CADM2: variants seen among roughly 807,000 people sequenced by gnomAD.
CADM2 encodes immunoglobulin superfamily member 4D.
CADM2 carries 12 observed loss-of-function variants against 49.8 expected under a neutral mutation model. That is an observed-to-expected ratio of 0.24 (90% CI 0.15 to 0.39). The LOEUF (loss-of-function observed/expected upper bound fraction) is 0.39, where lower values mean the gene tolerates loss of function less well. CADM2 is among the 10% of genes least tolerant of loss of function. The pLI is 1.00. For missense variants in CADM2, 378 were observed against 492.3 expected, an observed-to-expected ratio of 0.77 and a Z score of 2.20; for synonymous variants, 214 against 175.4, an observed-to-expected ratio of 1.22 and a Z score of -1.74.
At chr3:85,112,291 T>C (rs2038486700) in intron 1 of CADM2, among the ~76,000 whole-genome samples, 1 of 151,884 alleles carries the variant, frequency 6.6e-6, no homozygotes, top group Admixed American at 6.6e-5. Context: ...CAAAACAAAT[T>C]TGGTATATTT....
intron 1 of CADM2, among the ~76,000 whole-genome samples, chr3:85,624,625 C>G (rs1248127336): frequency 6.6e-6 from 1 of 152,108 alleles, no homozygotes; most frequent in East Asian, 1.9e-4. Context: ...ATTTTTATAC[C>G]CCTGCCTTGT....
At chr3:85,381,983 C>T (rs1194017352) in intron 1 of CADM2, among the ~76,000 whole-genome samples, 1 of 151,518 alleles carries the variant, frequency 6.6e-6, no homozygotes, top group African/African-American at 2.4e-5. Flanking sequence ...ACTCACCAAG[C>T]CTTTTTTTTT....
chr3:85,986,701 T>C (rs1032592868), intron 8 of CADM2, among the ~76,000 whole-genome samples: 2 of 152,142 alleles, frequency 1.3e-5, no homozygotes, highest in African/African-American at 4.8e-5. Context: ...GTTTAGTTGA[T>C]TAAGTTTTAA....
intron 1 of CADM2, among the ~76,000 whole-genome samples, chr3:85,010,825 A>T (rs1213862313): frequency 2.8e-5 from 2 of 70,724 alleles, no homozygotes; most frequent in African/African-American, 5.7e-5. Context: ...TTTTTCTTTA[A>T]TTTTCCCAAA....
intron 8 of CADM2, among the ~76,000 whole-genome samples, chr3:86,015,488 A>G (rs1732108407): frequency 6.6e-6 from 1 of 152,196 alleles, no homozygotes; most frequent in South Asian, 2.1e-4. Context: ...GGAGGAAGGA[A>G]TACATTTTAT....
chr3:85,964,406 A>G (rs189460775), intron 8 of CADM2, among the ~76,000 whole-genome samples: 156 of 151,636 alleles, frequency 1.0e-3, no homozygotes, highest in South Asian at 8.9e-3. Flanking sequence ...TTCCTGTGAA[A>G]TCATCTACTA....
intron 8 of CADM2, chr3:86,014,046 G>T: frequency 4.5e-6 from 6 of 1,327,290 alleles, no homozygotes; most frequent in Non-Finnish European, 6.2e-6. Flanking sequence ...ACTTGACGAT[G>T]TAATTTCTGT....
chr3:85,014,803 A>T (rs374432681), intron 1 of CADM2, among the ~76,000 whole-genome samples: 3 of 152,244 alleles, frequency 2.0e-5, no homozygotes, highest in Non-Finnish European at 4.4e-5. Context: ...AGGAAATTAC[A>T]TACCATCAAT....
At chr3:85,053,987 A>G (rs1254454604) in intron 1 of CADM2, among the ~76,000 whole-genome samples, 5 of 152,008 alleles carry the variant, frequency 3.3e-5, no homozygotes, top group Non-Finnish European at 7.4e-5. Context: ...CTGTTAAAAG[A>G]GCAAAGTAAT....
intron 1 of CADM2, among the ~76,000 whole-genome samples, chr3:85,635,290 T>A (rs2064436241): frequency 6.6e-6 from 1 of 152,066 alleles, no homozygotes; most frequent in Non-Finnish European, 1.5e-5. Context: ...TAGATCTTCT[T>A]TTTCCAAATT....
At chr3:85,198,056 G>A (rs1179976235) in intron 1 of CADM2, among the ~76,000 whole-genome samples, 3 of 151,698 alleles carry the variant, frequency 2.0e-5, no homozygotes, top group Non-Finnish European at 4.4e-5. Context: ...TAATAATATG[G>A]TTTATTTAAC....
intron 1 of CADM2, among the ~76,000 whole-genome samples, chr3:85,473,770 TTG>T (rs1445376654): frequency 1.3e-5 from 2 of 152,100 alleles, no homozygotes; most frequent in Non-Finnish European, 2.9e-5. Flanking sequence ...ATGCAAATGA[TTG>T]TGTTACTATT....
chr3:85,568,473 C>CTTTCTTTCTTCCTT (rs1553743643), intron 1 of CADM2, among the ~76,000 whole-genome samples: 9 of 27,612 alleles, frequency 3.3e-4, no homozygotes, highest in African/African-American at 7.0e-4. Flanking sequence ...CTCTTTCTCT[C>CTTTCTTTCTTCCTT]TCTTTCTTTC....
chr3:85,796,018 G>GA (rs2071598558), intron 2 of CADM2, among the ~76,000 whole-genome samples: 1 of 152,124 alleles, frequency 6.6e-6, no homozygotes, highest in South Asian at 2.1e-4. Flanking sequence ...GGAATGTTTT[G>GA]AAAATTGTTT....
intron 2 of CADM2, 116 bp downstream of exon 2, chr3:85,726,664 G>A: frequency 1.5e-6 from 1 of 649,492 alleles, no homozygotes; most frequent in Admixed American, 2.7e-5. Flanking sequence ...TCAGTGTATA[G>A]ATATTGTTCA....
intron 1 of CADM2, among the ~76,000 whole-genome samples, chr3:85,638,230 T>G (rs565243600): frequency 6.6e-6 from 1 of 152,304 alleles, no homozygotes; most frequent in Admixed American, 6.5e-5. Flanking sequence ...AGCTATAATT[T>G]AAACATCTAT....
intron 8 of CADM2, among the ~76,000 whole-genome samples, chr3:85,999,483 T>C (rs1382266749): frequency 6.8e-6 from 1 of 146,866 alleles, no homozygotes; most frequent in Non-Finnish European, 1.5e-5. Context: ...CCAGCCTGAG[T>C]GACCAAGCTA....
chr3:85,484,687 A>G (rs911154350), intron 1 of CADM2, among the ~76,000 whole-genome samples: 12 of 151,956 alleles, frequency 7.9e-5, no homozygotes. Context: ...ACAGACCCCA[A>G]CAGCATAAGG....
chr3:85,755,546 T>C (rs545308547), intron 2 of CADM2, among the ~76,000 whole-genome samples: 13 of 152,206 alleles, frequency 8.5e-5, no homozygotes, highest in Admixed American at 7.2e-4. Context: ...ACTATAAAGA[T>C]TTGGCAATTA....
Sources: gnomAD v4.1 joint callset for allele counts (sites outside exome capture counted in the v4.1 genomes callset) on GRCh38, gnomAD v4.1.1 for gene constraint, MANE v1.5 for transcripts, NCBI Gene and HGNC (gene_info 2026-07-23, HGNC 2026-07-21) for gene names.